Variants in CBLB observed in about 807,000 individuals in gnomAD.
CBLB encodes the protein Cbl proto-oncogene B, also known as E3 ubiquitin-protein ligase CBL-B.
A neutral mutation model predicts 104.9 loss-of-function variants in CBLB; 31 were observed. The observed-to-expected ratio is 0.30, with a 90% CI of 0.22 to 0.40. The LOEUF (loss-of-function observed/expected upper bound fraction) is 0.40. Among genes scored for constraint, CBLB ranks in the 10% least tolerant of loss-of-function variants. CBLB has a pLI of 1.00. For missense variants in CBLB, 1,062 were observed against 1,214.6 expected (o/e 0.87, Z 1.87); for synonymous variants, 440 against 422.6 (o/e 1.04, Z -0.51).
intron 3 of CBLB, among the ~76,000 whole-genome samples, chr3:105,837,376 C>T (rs1403447596): frequency 6.6e-6 from 1 of 152,178 alleles, no homozygotes; most frequent in East Asian, 1.9e-4. Flanking sequence ...CCTGTGTATT[C>T]AGGGTCATAA....
At chr3:105,684,797 C>T (rs896031219) in intron 14 of CBLB, among the ~76,000 whole-genome samples, 14 of 152,098 alleles carry the variant, frequency 9.2e-5, no homozygotes, top group African/African-American at 3.1e-4. Flanking sequence ...ATGATCTGCC[C>T]GCCTCAGCCT....
At chr3:105,706,243 GTC>G (rs2070117603) in intron 10 of CBLB, among the ~76,000 whole-genome samples, 1 of 152,124 alleles carries the variant, frequency 6.6e-6, no homozygotes, top group African/African-American at 2.4e-5. Flanking sequence ...CAAAGTCTTT[GTC>G]TCTGTTGGTG....
intron 4 of CBLB, among the ~76,000 whole-genome samples, chr3:105,753,783 T>C (rs1340491076): frequency 6.6e-6 from 1 of 152,214 alleles, no homozygotes; most frequent in Non-Finnish European, 1.5e-5. Context: ...TAATCTAGCA[T>C]TTACAGTGAA....
At position 105,867,549 on chromosome 3, in the gene CBLB, G is replaced by A; in HGVS notation, c.29C>T (p.Pro10Leu). 6.2e-7 allele frequency: 1 copy of A among 1,614,108 alleles called. No individual in the cohort carries two copies. Residue 10 changes from proline (P) to leucine (L), a missense_variant, in exon 2 of 19, where the codon CCT becomes CTT. By Grantham distance (98) the Pro-to-Leu change is moderately conservative. Around this residue, in one of 2 missense-constraint regions of CBLB, gnomAD observed 457 missense variants for 632.0 expected, o/e 0.72. Coordinates refer to ENST00000394030, the MANE Select transcript of CBLB (RefSeq NM_170662.5). ...TCGGGGATTTCCTCCTCGACCACCA[G>A]GGTTTCTGCCATTCATTGAGTTTGC... Reference protein sequence around the residue: MANSMNGRNPGGRGGNPRKG... With the variant: MANSMNGRNLGGRGGNPRKG...
chr3:105,698,154 T>C (rs2068625585), intron 12 of CBLB, among the ~76,000 whole-genome samples: 1 of 152,056 alleles, frequency 6.6e-6, no homozygotes, highest in Non-Finnish European at 1.5e-5. Flanking sequence ...GGCTAGCTTT[T>C]GATTATGCTA....
intron 10 of CBLB, among the ~76,000 whole-genome samples, chr3:105,710,771 G>A (rs777902467): frequency 1.7e-4 from 26 of 151,964 alleles, no homozygotes; most frequent in Admixed American, 3.9e-4. Flanking sequence ...ATTCTTTTAC[G>A]TCTACATACT....
rs544532939 is a variant in CBLB, at chr3:105,729,742, G to A, written c.1203+4267C>T. On this transcript the variant is annotated intron_variant, in intron 9 of 18. Coordinates refer to ENST00000394030, the MANE Select transcript of CBLB (RefSeq NM_170662.5). ...TTAAGTCAAGTGAGCACAGCTAGGTGAGATTACAGATACGAGACCTTCAGC... is the reference window on the plus strand; with the variant it reads ...TTAAGTCAAGTGAGCACAGCTAGGTAAGATTACAGATACGAGACCTTCAGC... 2.0e-5 allele frequency among the ~76,000 whole-genome samples: 3 copies of A among 152,200 alleles called. No individual in the cohort carries two copies. In the South Asian group the frequency reaches 6.2e-4, roughly 32 times the overall value.
In CBLB at chr3:105,745,978, C is replaced by T; in HGVS notation, c.784G>A (p.Ala262Thr). The T allele has an allele frequency of 6.2e-7, 1 of 1,610,236 alleles. No individual in the cohort carries two copies. Among genetic ancestry groups the T allele is most frequent in the Non-Finnish European group, 8.5e-7 (1 of 1,176,550 alleles). ...FLAVTHPGYM[A>T]FLTYDEVKAR... Reference sequence around the variant, plus strand: ...TTAACTTCATCATATGTGAGAAATGCCATGTAACCTGGATGTGTCACAGCT... The same window carrying T: ...TTAACTTCATCATATGTGAGAAATGTCATGTAACCTGGATGTGTCACAGCT... Residue 262 changes from alanine (A) to threonine (T), a missense_variant, in exon 6 of 19, where the codon GCA becomes ACA. This residue lies in a region of CBLB where 457 missense variants were observed against 632.0 expected (regional missense o/e 0.72). Coordinates refer to ENST00000394030, the MANE Select transcript of CBLB (RefSeq NM_170662.5).
intron 3 of CBLB, among the ~76,000 whole-genome samples, chr3:105,799,712 G>A (rs1378635045): frequency 6.6e-6 from 1 of 151,952 alleles, no homozygotes; most frequent in Non-Finnish European, 1.5e-5. Context: ...TATAAACACA[G>A]GCATTTACAA....
chr3:105,751,567 C>A lies in CBLB; in HGVS notation c.618G>T (p.Gln206His), dbSNP rs2076595173. 6.2e-7 allele frequency: 1 copy of A among 1,612,778 alleles called. No individual in the cohort carries two copies. Among genetic ancestry groups the A allele is most frequent in the Admixed American group, 1.7e-5 (1 of 59,948 alleles). Residue 206 changes from glutamine (Q) to histidine (H), a missense_variant, in exon 5 of 19, where the codon CAG becomes CAT. Transcript: ENST00000394030. ...CCATTGCTTCCAGGCCAGAGCTAAT[C>A]TGGTGGACCTCATGAAGGCACTGTC... is the stretch of plus-strand genomic sequence containing the variant. ...VFRQCLHEVH[Q>H]ISSGLEAMAL...
intron 3 of CBLB, among the ~76,000 whole-genome samples, chr3:105,844,016 T>C (rs533893477): frequency 3.3e-5 from 5 of 152,318 alleles, no homozygotes; most frequent in Admixed American, 2.6e-4. Flanking sequence ...GAAGTCAAGA[T>C]GGGGTCACAA....
Position 105,720,094 on chromosome 3 carries a change from C to T in CBLB, c.1360G>A (p.Asp454Asn), listed in dbSNP as rs1194350816. ...MPMLDLDDDD[D>N]REESLMMNRL... is the part of the protein sequence containing the mutation. Reference sequence around the variant, plus strand: ...TTCATCATCAAGGACTCCTCACGATCATCATCGTCGTCCAAGTCTAGCATC... The same window carrying T: ...TTCATCATCAAGGACTCCTCACGATTATCATCGTCGTCCAAGTCTAGCATC... Residue 454 changes from aspartate (D) to asparagine (N), a missense_variant, in exon 10 of 19, where the codon GAT becomes AAT. By Grantham distance (23) the Asp-to-Asn change is conservative. Transcript: ENST00000394030. 1 of 1,614,006 alleles carries T rather than the reference C, an allele frequency of 6.2e-7. No homozygotes were observed. Among genetic ancestry groups the T allele is most frequent in the Admixed American group, 1.7e-5 (1 of 59,992 alleles).
chr3:105,851,860 T>G (rs969374335), intron 3 of CBLB, among the ~76,000 whole-genome samples: 1 of 152,172 alleles, frequency 6.6e-6, no homozygotes, highest in African/African-American at 2.4e-5. Context: ...TTCATAAGAT[T>G]ATAATGGAAC....
At chr3:105,678,624 C>T (rs2065932970) in intron 16 of CBLB, 53 bp from the exon 17 acceptor site, 1 of 1,540,418 alleles carries the variant, frequency 6.5e-7, no homozygotes, top group African/African-American at 1.4e-5. Context: ...AATCAAAATA[C>T]ACAGCATCTA....
rs373842782 is a variant in CBLB at position 105,664,048 on chromosome 3, C to A, written c.2690-4819G>T. 2.4e-3 allele frequency among the ~76,000 whole-genome samples: 372 copies of A among 151,980 alleles called. 2 individuals are homozygous for A. The highest frequency in any genetic ancestry group is 8.6e-3 in the African/African-American group (357 of 41,466). ...TCAGTGGCTGTCAATTATTTTGCCA[C>A]AAAAAGTCTTTATTACTCCCCTCAT... On this transcript the variant is annotated intron_variant, in intron 18 of 18. Coordinates refer to ENST00000394030, the MANE Select transcript of CBLB (RefSeq NM_170662.5).
intron 4 of CBLB, 24 bp downstream of exon 4, chr3:105,776,372 G>A (rs1168712277): frequency 2.5e-6 from 4 of 1,606,216 alleles, no homozygotes; most frequent in Non-Finnish European, 3.4e-6. Context: ...TAGATCCACA[G>A]CTATAAAAAT....
At chr3:105,847,824 G>A (rs1466958538) in intron 3 of CBLB, among the ~76,000 whole-genome samples, 1 of 152,074 alleles carries the variant, frequency 6.6e-6, no homozygotes, top group Admixed American at 6.6e-5. Flanking sequence ...TATTAAAATG[G>A]TTAACTGATG....
intron 10 of CBLB, among the ~76,000 whole-genome samples, chr3:105,705,934 G>A (rs188282210): frequency 6.6e-6 from 1 of 152,112 alleles, no homozygotes; most frequent in African/African-American, 2.4e-5. Flanking sequence ...CCAGGAGTTT[G>A]AGACTAGCCT....
intron 3 of CBLB, among the ~76,000 whole-genome samples, chr3:105,821,788 C>T (rs1482382267): frequency 6.6e-6 from 1 of 152,088 alleles, no homozygotes; most frequent in Non-Finnish European, 1.5e-5. Flanking sequence ...ATATCTTTAC[C>T]CAACTTCTTT....
Sources: allele counts gnomAD v4.1 joint callset (sites outside exome capture counted in the v4.1 genomes callset), GRCh38; gene constraint gnomAD v4.1.1; regional missense constraint gnomAD v4.1.1; transcripts MANE v1.5; gene names NCBI Gene and HGNC (gene_info 2026-07-23, HGNC 2026-07-21).